GLS: variants seen among roughly 807,000 people sequenced by gnomAD.
GLS encodes the protein glutaminase kidney isoform, mitochondrial.
In GLS, 36 loss-of-function variants were observed where a neutral mutation model predicts 86.7. That is an observed-to-expected ratio of 0.42 (90% CI 0.32 to 0.55). GLS has a LOEUF of 0.55. Among genes scored for constraint, GLS ranks in the 20% least tolerant of loss-of-function variants. GLS has a pLI of 0.17. For synonymous variants in GLS, 317 were observed against 305.9 expected (o/e 1.04, Z -0.38); for missense variants, 528 against 833.4 (o/e 0.63, Z 4.51).
Position 190,913,710 on chromosome 2 carries a change from A to T in GLS, c.1038+3389A>T, listed in dbSNP as rs1475187857. 5.1e-6 allele frequency: 5 copies of T among 970,926 alleles called. No homozygotes were observed. Among genetic ancestry groups the T allele is most frequent in the Non-Finnish European group, 6.1e-6 (5 of 816,814 alleles). The allele number at this position is 970,926 out of a possible 1,614,324, so 60.1% of individuals were successfully genotyped here. A position where few individuals can be genotyped will look rare whatever the true frequency, so the allele number is the denominator to read the frequency against. ...GTTAGGATAGGAAAATGAGGACAAC[A>T]TACTGCAAAATAATTGCCACACTTA... On this transcript the variant is annotated intron_variant, in intron 7 of 17. Transcript: ENST00000320717. The surrounding 1 kb of genome is among the most constrained non-coding windows in gnomAD (Gnocchi z 6.1).
At chr2:190,919,517 A>G (rs986575615) in intron 7 of GLS, 5 of 153,018 alleles carry the variant, frequency 3.3e-5, no homozygotes, top group Non-Finnish European at 7.3e-5. Flanking sequence ...AATTATCCAT[A>G]TGACATCCCA....
chr2:190,899,141 C>A (rs1483707991), intron 3 of GLS, among the ~76,000 whole-genome samples: 1 of 152,086 alleles, frequency 6.6e-6, no homozygotes, highest in South Asian at 2.1e-4. Context: ...ACATCTCTTG[C>A]AACTCTGATA....
intron 14 of GLS, among the ~76,000 whole-genome samples, chr2:190,946,168 A>C (rs2124938958): frequency 6.6e-6 from 1 of 152,314 alleles, no homozygotes; most frequent in South Asian, 2.1e-4. Context: ...TACACAATAC[A>C]CAGGTTTACT....
chr2:190,944,028 T>G (rs1037457361), intron 14 of GLS, among the ~76,000 whole-genome samples: 16 of 152,192 alleles, frequency 1.1e-4, no homozygotes, highest in Admixed American at 8.5e-4. Flanking sequence ...AATAGGACCT[T>G]AAACTCTGAA....
chr2:190,885,332 C>T (rs1193874591), intron 1 of GLS, among the ~76,000 whole-genome samples: 2 of 152,004 alleles, frequency 1.3e-5, no homozygotes, highest in Non-Finnish European at 2.9e-5. Flanking sequence ...GCTGGGATTA[C>T]AGGCACCCGC....
Position 190,960,539 on chromosome 2 carries a change from A to ATTT in GLS, c.1854-2290_1854-2288dup, listed in dbSNP as rs1553489726. On this transcript the variant is annotated intron_variant, in intron 17 of 17. Transcript: ENST00000320717. The stretch of plus-strand genomic sequence containing the variant: ...ACCACCATGCCTGGCTAATTTATTT[A>ATTT]TTTATTTTTTATTTTTTGTAGAGGC... Among the ~76,000 whole-genome samples the ATTT allele has an allele frequency of 1.3e-3, 197 of 149,026 alleles. 1 individual carries two copies. Among genetic ancestry groups the ATTT allele is most frequent in the African/African-American group, 4.6e-3 (187 of 40,418 alleles).
chr2:190,917,472 CCT>C (rs1221478810), intron 7 of GLS, among the ~76,000 whole-genome samples: 1 of 152,302 alleles, frequency 6.6e-6, no homozygotes, highest in South Asian at 2.1e-4. Context: ...CATTTGAACT[CCT>C]GTTAATATTG....
At position 190,881,040 on chromosome 2, in the gene GLS, C is replaced by A. The variant is rs1167055436; in HGVS notation, c.-45C>A. On this transcript the variant is annotated 5_prime_UTR_variant, in exon 1 of 18. Transcript: ENST00000320717. The stretch of plus-strand genomic sequence containing the variant: ...CCCGAGGAAACCGGCCGCCCACGCC[C>A]GGAGCATCCTCCCCTGTTGAGCGGG... The A allele has an allele frequency of 3.3e-6, 5 of 1,525,360 alleles. No homozygotes were observed. In the African/African-American group the frequency reaches 5.5e-5, roughly 17 times the overall value. 94.5% of individuals were successfully genotyped at this position (1,525,360 alleles called of 1,614,324 possible). A position where few individuals can be genotyped will look rare whatever the true frequency, so the allele number is the denominator to read the frequency against.
chr2:190,935,453 A>T lies in GLS; in HGVS notation c.1650+3816A>T, dbSNP rs542977290. ...AGCTGCCTCAAAGTAAACTAGAAAT[A>T]TTCAAAAGGGCTTTATTTGATTTTT... On this transcript the variant is annotated intron_variant, in intron 14 of 17. Coordinates refer to ENST00000320717, the MANE Select transcript of GLS (RefSeq NM_014905.5). This position sits in a 1 kb window ranked among gnomAD's most constrained non-coding sequence, Gnocchi z 4.2. 6.6e-6 allele frequency among the ~76,000 whole-genome samples: 1 copy of T among 151,494 alleles called. No homozygotes were observed. The highest frequency in any genetic ancestry group is 2.1e-4 in the South Asian group (1 of 4,828).
rs902347189 is a variant in GLS, at chr2:190,962,219, G to A, written c.1854-611G>A. ...CATGGAAAGGGGAGTTATTAGTATG[G>A]AAAGGGGAGTTACTCTTCTGGTGTA... On this transcript the variant is annotated intron_variant, in intron 17 of 17. Transcript: ENST00000320717. This position sits in a 1 kb window ranked among gnomAD's most constrained non-coding sequence, Gnocchi z 4.2. Among the ~76,000 whole-genome samples the A allele has an allele frequency of 3.9e-5, 6 of 152,304 alleles. No homozygotes were observed. Among genetic ancestry groups the A allele is most frequent in the African/African-American group, 1.4e-4 (6 of 41,558 alleles).
chr2:190,900,389 A>G (rs575194992), intron 3 of GLS, among the ~76,000 whole-genome samples, 175 bp from the exon 4 acceptor site: 30 of 152,324 alleles, frequency 2.0e-4, no homozygotes, highest in Admixed American at 1.6e-3. Flanking sequence ...ACAAGCAACT[A>G]CTTGAAAGAC....
chr2:190,922,988 A>G (rs1393546434), intron 9 of GLS, among the ~76,000 whole-genome samples: 1 of 152,170 alleles, frequency 6.6e-6, no homozygotes, highest in Non-Finnish European at 1.5e-5. Context: ...GCTTTGTATC[A>G]GTCTTTACTC....
At chr2:190,898,820 A>G (rs930202200) in intron 3 of GLS, among the ~76,000 whole-genome samples, 1 of 152,100 alleles carries the variant, frequency 6.6e-6, no homozygotes, top group Admixed American at 6.6e-5. Context: ...TAGTAGAGAC[A>G]GGGTTTCTCC....
At chr2:190,885,013 G>A (rs1688324990) in intron 1 of GLS, among the ~76,000 whole-genome samples, 1 of 152,058 alleles carries the variant, frequency 6.6e-6, no homozygotes, top group South Asian at 2.1e-4. Context: ...AGAAATATTT[G>A]TAATTACACA....
chr2:190,929,536 C>T (rs887414062), intron 12 of GLS, among the ~76,000 whole-genome samples: 7 of 151,288 alleles, frequency 4.6e-5, no homozygotes, highest in Admixed American at 1.3e-4. Context: ...GTGGTGCGAT[C>T]TTGGCTCACT....
rs1688159116 is a variant in GLS, at chr2:190,881,300, G to T, written c.216G>T (p.Leu72=). 6.7e-7 allele frequency: 1 copy of T among 1,488,492 alleles called. No homozygotes were observed. The highest frequency in any genetic ancestry group is 1.5e-5 in the African/African-American group (1 of 68,706). 92.2% of individuals were successfully genotyped at this position (1,488,492 alleles called of 1,614,324 possible). The change falls in exon 1 of 18, where the codon CTG becomes CTT. Residue 72 remains leucine, a synonymous_variant. Transcript: ENST00000320717. ...CGGCGGAGCCCCTCGCGCGGGGCCT[G>T]TCCAGCTCTCCTTCGGAGATCTTGC... is the stretch of plus-strand genomic sequence containing the variant. The part of the protein sequence containing the change: ...GWPAEPLARG[L]SSSPSEILQE...
chr2:190,961,832 C>A (rs951256393), intron 17 of GLS, among the ~76,000 whole-genome samples: 6 of 152,044 alleles, frequency 3.9e-5, no homozygotes, highest in African/African-American at 1.4e-4. Flanking sequence ...TGTGACTCCA[C>A]TAAGCGGGTA....
rs1445601165 is a variant in GLS at position 190,947,233 on chromosome 2, T to C, written c.1651-6332T>C. 3.3e-5 allele frequency among the ~76,000 whole-genome samples: 5 copies of C among 152,190 alleles called. No individual in the cohort carries two copies. Among genetic ancestry groups the C allele is most frequent in the Non-Finnish European group, 7.3e-5 (5 of 68,032 alleles). On this transcript the variant is annotated intron_variant, in intron 14 of 17. Transcript: ENST00000320717. The surrounding 1 kb of genome is among the most constrained non-coding windows in gnomAD (Gnocchi z 5.0). ...GATTAAAGACTTAGGAATGCCATGT[T>C]TTAGATGTGTAAAACTGATACACTC...
chr2:190,895,858 G>A lies in GLS; in HGVS notation c.605+133G>A. The stretch of plus-strand genomic sequence containing the variant: ...AAAAGGGGATTTATAAACATCATTT[G>A]TTTGAAGAACTTGGTACATATTAGG... On this transcript the variant is annotated intron_variant, in intron 3 of 17. Coordinates refer to ENST00000320717, the MANE Select transcript of GLS (RefSeq NM_014905.5). The surrounding 1 kb of genome is among the most constrained non-coding windows in gnomAD (Gnocchi z 4.2). 1.6e-6 allele frequency: 1 copy of A among 621,476 alleles called. No homozygotes were observed. 38.5% of individuals were successfully genotyped at this position (621,476 alleles called of 1,614,324 possible). A position where few individuals can be genotyped will look rare whatever the true frequency, so the allele number is the denominator to read the frequency against.
Sources: gnomAD v4.1 joint callset for allele counts (sites outside exome capture counted in the v4.1 genomes callset) on GRCh38, gnomAD v4.1.1 for gene constraint, Gnocchi (gnomAD v3.1) non-coding constraint, MANE v1.5 for transcripts, NCBI Gene and HGNC (gene_info 2026-07-23, HGNC 2026-07-21) for gene names.